The following MYZAP variants were observed in gnomAD, a reference collection of about 807,000 sequenced individuals.
The protein encoded by MYZAP is GRINL1A complex locus upstream.
MYZAP carries 66 observed loss-of-function variants against 69.4 expected under a neutral mutation model. The ratio of observed to expected loss-of-function variants is 0.95; its 90% CI spans 0.78 to 1.17. The LOEUF (loss-of-function observed/expected upper bound fraction) is 1.17. Among genes scored for constraint, MYZAP ranks in the 50% most tolerant of loss-of-function variants. MYZAP has a pLI of 0.00. For synonymous variants in MYZAP, 256 were observed against 205.9 expected, an observed-to-expected ratio of 1.24 and a Z score of -2.09; for missense variants, 611 against 556.2, an observed-to-expected ratio of 1.10 and a Z score of -0.99.
intron 11 of MYZAP, among the ~76,000 whole-genome samples, chr15:57,665,495 C>T (rs1278135836): frequency 6.6e-6 from 1 of 152,214 alleles, no homozygotes; most frequent in African/African-American, 2.4e-5. Context: ...CTCTTAGCCA[C>T]AGTGCTGTTG....
At chr15:57,656,477 C>T (rs2038015817) in intron 10 of MYZAP, among the ~76,000 whole-genome samples, 1 of 152,152 alleles carries the variant, frequency 6.6e-6, no homozygotes, top group Non-Finnish European at 1.5e-5. Context: ...TAGTCAGAAA[C>T]AATACCAGCC....
chr15:57,611,741 T>A (rs886406311), intron 2 of MYZAP, among the ~76,000 whole-genome samples: 1 of 152,158 alleles, frequency 6.6e-6, no homozygotes, highest in Non-Finnish European at 1.5e-5. Context: ...TTAGTTTTAT[T>A]TTTTAGAAAC....
At chr15:57,680,509 A>ACG (rs2039380067) in intron 12 of MYZAP, among the ~76,000 whole-genome samples, 1 of 150,998 alleles carries the variant, frequency 6.6e-6, no homozygotes, top group African/African-American at 2.5e-5. Context: ...ACACACACAC[A>ACG]CACACACAAA....
chr15:57,632,506 G>C lies in MYZAP; in HGVS notation c.751G>C (p.Glu251Gln), dbSNP rs2036567561. 6.2e-7 allele frequency: 1 copy of C among 1,614,114 alleles called. No homozygotes were observed. The highest frequency in any genetic ancestry group is 8.5e-7 in the Non-Finnish European group (1 of 1,180,048). ...CAAGAAGCTGTACAGCCAGTATGAG[G>C]AGAAGCTGCAGGAAGAACAGAGGAA... ...MTKKLYSQYE[E>Q]KLQEEQRKHS... is the part of the protein sequence containing the mutation. Residue 251 changes from glutamate to glutamine, a missense_variant, in exon 7 of 13, where the codon GAG becomes CAG. Physicochemically the swap from Glu to Gln is conservative, Grantham distance 29 (BLOSUM62 2). Coordinates refer to ENST00000267853, the MANE Select transcript of MYZAP (RefSeq NM_001018100.5).
chr15:57,661,100 G>A (rs560779241), intron 10 of MYZAP, among the ~76,000 whole-genome samples: 10 of 152,226 alleles, frequency 6.6e-5, no homozygotes, highest in Non-Finnish European at 1.2e-4. Context: ...CATGTTCTCT[G>A]GAAGATCTTC....
intron 4 of MYZAP, 95 bp downstream of exon 4, chr15:57,621,795 G>T: frequency 9.3e-7 from 1 of 1,075,212 alleles, no homozygotes; most frequent in Non-Finnish European, 1.3e-6. Flanking sequence ...AGAGTATCTA[G>T]TGTTCTTTAT....
intron 2 of MYZAP, among the ~76,000 whole-genome samples, chr15:57,614,233 C>A (rs1375537600): frequency 3.9e-5 from 6 of 152,196 alleles, no homozygotes; most frequent in African/African-American, 1.4e-4. Context: ...ATTCATTCAG[C>A]AAGTATTTAT....
Position 57,632,485 on chromosome 15 carries a change from A to G in MYZAP, c.730A>G (p.Lys244Glu). ...TGAGGTGATGCGAGAGATGACCAAG[A>G]AGCTGTACAGCCAGTATGAGGAGAA... ...NAEVMREMTK[K>E]LYSQYEEKLQ... Residue 244 changes from lysine to glutamate, a missense_variant, in exon 7 of 13, where the codon AAG becomes GAG. By Grantham distance (56) the Lys-to-Glu change is moderately conservative. Transcript: ENST00000267853. The G allele has an allele frequency of 6.2e-7, 1 of 1,614,236 alleles. No individual in the cohort carries two copies. The highest frequency in any genetic ancestry group is 2.2e-5 in the East Asian group (1 of 44,884).
At chr15:57,622,000 G>C (rs1314890504) in intron 4 of MYZAP, among the ~76,000 whole-genome samples, 2 of 152,008 alleles carry the variant, frequency 1.3e-5, no homozygotes, top group Non-Finnish European at 2.9e-5. Context: ...CCAAACAAGA[G>C]AAATAAACAT....
chr15:57,683,450 A>G (rs1325502041), intron 12 of MYZAP, among the ~76,000 whole-genome samples: 3 of 152,260 alleles, frequency 2.0e-5, no homozygotes, highest in Admixed American at 1.3e-4. Flanking sequence ...GTACATGAAA[A>G]TTTTTTATGT....
chr15:57,646,626 G>C (rs1451083959), intron 10 of MYZAP: 1 of 997,468 alleles, frequency 1.0e-6, no homozygotes, highest in Non-Finnish European at 1.2e-6. Context: ...TGGGAAGGAG[G>C]TGCTCCCACC....
At chr15:57,648,242 A>G (rs906356691) in intron 10 of MYZAP, 1 of 985,278 alleles carries the variant, frequency 1.0e-6, no homozygotes, top group Non-Finnish European at 1.2e-6. Context: ...GGTTCATTCT[A>G]TGACAGGTAT....
intron 2 of MYZAP, among the ~76,000 whole-genome samples, chr15:57,605,364 T>A (rs533339169): frequency 8.6e-4 from 131 of 152,298 alleles, no homozygotes; most frequent in Non-Finnish European, 1.4e-3. Flanking sequence ...GTATTTTATA[T>A]GATTATAAAG....
chr15:57,635,946 A>T (rs1221428446), intron 8 of MYZAP, among the ~76,000 whole-genome samples: 1 of 152,126 alleles, frequency 6.6e-6, no homozygotes, highest in East Asian at 1.9e-4. Flanking sequence ...TCTACCAGGG[A>T]CCCTTCTGGG....
At chr15:57,607,224 G>A (rs2034809798) in intron 2 of MYZAP, among the ~76,000 whole-genome samples, 1 of 152,166 alleles carries the variant, frequency 6.6e-6, no homozygotes, top group Admixed American at 6.5e-5. Context: ...GTCTTTTGGA[G>A]TTAGACCCAA....
At chr15:57,597,320 A>T (rs1002288331) in intron 1 of MYZAP, among the ~76,000 whole-genome samples, 1 of 152,218 alleles carries the variant, frequency 6.6e-6, no homozygotes, top group African/African-American at 2.4e-5. Context: ...TCCCAAACCA[A>T]TTAAATGGGA....
intron 11 of MYZAP, among the ~76,000 whole-genome samples, chr15:57,668,704 G>A (rs1365249726): frequency 6.6e-6 from 1 of 151,862 alleles, no homozygotes; most frequent in East Asian, 1.9e-4. Flanking sequence ...TGAAGTGTCT[G>A]TTCCAATCTT....
intron 10 of MYZAP, chr15:57,647,465 G>A (rs2037500908): frequency 1.0e-6 from 1 of 985,422 alleles, no homozygotes; most frequent in East Asian, 1.1e-4. Context: ...ACTGGCATTT[G>A]TTCTAGCAGC....
intron 10 of MYZAP, chr15:57,646,873 T>C (rs1230136430): frequency 1.0e-6 from 1 of 985,318 alleles, no homozygotes; most frequent in African/African-American, 1.7e-5. Context: ...GGCTGAAATA[T>C]GTTGAACTGA....
Sources: allele counts gnomAD v4.1 joint callset (sites outside exome capture counted in the v4.1 genomes callset), GRCh38; gene constraint gnomAD v4.1.1; transcripts MANE v1.5; gene names NCBI Gene and HGNC (gene_info 2026-07-23, HGNC 2026-07-21).